Variants in ARHGEF3 observed in about 807,000 individuals in gnomAD.
ARHGEF3 encodes the protein 59.8 kDA protein.
ARHGEF3 carries 28 observed loss-of-function variants against 63.2 expected under a neutral mutation model. The observed-to-expected ratio is 0.44, with a 90% CI of 0.33 to 0.61. The LOEUF is 0.61. Among genes scored for constraint, ARHGEF3 ranks in the 20% least tolerant of loss-of-function variants. ARHGEF3 has a pLI of 0.03. For missense variants in ARHGEF3, 533 were observed against 659.3 expected, an observed-to-expected ratio of 0.81 and a Z score of 2.10; for synonymous variants, 266 against 254.2, an observed-to-expected ratio of 1.05 and a Z score of -0.44.
intron 2 of ARHGEF3, among the ~76,000 whole-genome samples, chr3:56,967,200 T>A (rs1309914309): frequency 7.0e-6 from 1 of 142,116 alleles, no homozygotes; most frequent in Non-Finnish European, 1.5e-5. Context: ...AATTGAAATA[T>A]CATGTGAACC....
At chr3:56,946,733 T>C (rs1399439661) in intron 3 of ARHGEF3, among the ~76,000 whole-genome samples, 2 of 152,144 alleles carry the variant, frequency 1.3e-5, no homozygotes, top group Non-Finnish European at 1.5e-5. Context: ...ACTTCCCCAA[T>C]CTAGCAAGGC....
chr3:56,902,164 T>A (rs1332378451), intron 3 of ARHGEF3, among the ~76,000 whole-genome samples: 1 of 152,246 alleles, frequency 6.6e-6, no homozygotes, highest in Non-Finnish European at 1.5e-5. Flanking sequence ...GTTCATCTTC[T>A]GCTGGCAACG....
chr3:57,013,339 T>C (rs1702791704), intron 2 of ARHGEF3, among the ~76,000 whole-genome samples: 1 of 152,212 alleles, frequency 6.6e-6, no homozygotes, highest in Admixed American at 6.5e-5. Flanking sequence ...CTGAGTCCAG[T>C]AGGGGCTTGG....
In ARHGEF3 at chr3:56,843,226, A is replaced by G. The variant is rs573372717; in HGVS notation, c.192+39066T>C. Among the ~76,000 whole-genome samples, 3 of 152,236 alleles carry G rather than the reference A, an allele frequency of 2.0e-5. No homozygotes were observed. In the East Asian group the frequency reaches 5.8e-4, roughly 29 times the overall value. On this transcript the variant is annotated intron_variant, in intron 4 of 12. Coordinates refer to the ARHGEF3 transcript ENST00000338458. ...CTGTGGTGGCTTAGCTTAGCACACA[A>G]ATGATATCATACTTAAATTTCTGTA...
intron 4 of ARHGEF3, among the ~76,000 whole-genome samples, chr3:56,820,667 G>A (rs547169074): frequency 3.9e-5 from 6 of 152,136 alleles, no homozygotes; most frequent in Admixed American, 6.5e-5. Context: ...AGGAATGAGT[G>A]GACCATGTTG....
chr3:56,787,201 GTTC>G (rs1333877532), intron 1 of ARHGEF3, among the ~76,000 whole-genome samples: 1 of 152,152 alleles, frequency 6.6e-6, no homozygotes, highest in Admixed American at 6.5e-5. Context: ...GAAGTGGAAG[GTTC>G]TTCTTTTACA....
intron 3 of ARHGEF3, among the ~76,000 whole-genome samples, chr3:56,905,958 G>C (rs1393286597): frequency 2.0e-5 from 3 of 152,134 alleles, no homozygotes; most frequent in Admixed American, 2.0e-4. Context: ...TCAGCCTCCA[G>C]GGTTCAAGCA....
intron 1 of ARHGEF3, among the ~76,000 whole-genome samples, chr3:57,078,061 A>G (rs551519702): frequency 1.3e-5 from 2 of 152,342 alleles, no homozygotes; most frequent in African/African-American, 4.8e-5. Flanking sequence ...CAGCTAACAC[A>G]GAGGATTTAC....
intron 3 of ARHGEF3, among the ~76,000 whole-genome samples, chr3:56,939,402 A>T (rs1346880438): frequency 6.6e-6 from 1 of 152,200 alleles, no homozygotes; most frequent in Non-Finnish European, 1.5e-5. Context: ...TTGTGTGTGT[A>T]ATAAAGGCTA....
At chr3:57,014,274 C>T (rs1702863434) in intron 2 of ARHGEF3, among the ~76,000 whole-genome samples, 1 of 152,208 alleles carries the variant, frequency 6.6e-6, no homozygotes, top group African/African-American at 2.4e-5. Flanking sequence ...GTAACACTCA[C>T]TGTGAGGGTC....
At chr3:56,917,274 CAT>C (rs1338019479) in intron 3 of ARHGEF3, among the ~76,000 whole-genome samples, 1 of 152,172 alleles carries the variant, frequency 6.6e-6, no homozygotes, top group Non-Finnish European at 1.5e-5. Flanking sequence ...CTCAAGGAGA[CAT>C]AACTCCAGTG....
rs1213383383 is a variant in ARHGEF3, at chr3:57,042,316, A to T, written c.-27-7140T>A. The stretch of plus-strand genomic sequence containing the variant: ...ACAAAGCAGATCTAGATGCACTAGC[A>T]TGGGAAACACAGCTCAACTCAACAT... On this transcript the variant is annotated intron_variant, in intron 1 of 12. Coordinates refer to the ARHGEF3 transcript ENST00000338458. Among the ~76,000 whole-genome samples the T allele has an allele frequency of 3.3e-5, 5 of 152,158 alleles. 1 individual carries two copies. In the East Asian group the frequency reaches 5.8e-4, roughly 18 times the overall value.
At chr3:56,974,902 T>C (rs191921412) in intron 2 of ARHGEF3, among the ~76,000 whole-genome samples, 312 of 152,338 alleles carry the variant, frequency 2.0e-3, no homozygotes, top group African/African-American at 7.2e-3. Flanking sequence ...TGTATTTTTC[T>C]AACCAGGACT....
intron 3 of ARHGEF3, among the ~76,000 whole-genome samples, chr3:56,937,172 G>A (rs1292635734): frequency 6.6e-6 from 1 of 152,202 alleles, no homozygotes; most frequent in Non-Finnish European, 1.5e-5. Context: ...TAGATGCAGT[G>A]CATGATCCTT....
intron 7 of ARHGEF3, among the ~76,000 whole-genome samples, chr3:56,740,870 C>T (rs537838542): frequency 2.0e-5 from 3 of 152,280 alleles, no homozygotes; most frequent in South Asian, 4.1e-4. Context: ...AAAGAAGATG[C>T]GCTATAGTCA....
intron 4 of ARHGEF3, among the ~76,000 whole-genome samples, chr3:56,865,885 C>G (rs1482560037): frequency 6.6e-6 from 1 of 152,026 alleles, no homozygotes; most frequent in East Asian, 1.9e-4. Flanking sequence ...CCCACCCAGG[C>G]TATGGTATTT....
At chr3:56,792,103 CAA>C (rs1553755406) in intron 1 of ARHGEF3, among the ~76,000 whole-genome samples, 5 of 91,324 alleles carry the variant, frequency 5.5e-5, no homozygotes, top group Non-Finnish European at 2.2e-5. Flanking sequence ...GACTCTGTCT[CAA>C]AAAAAAAAAA....
chr3:57,037,066 AT>A (rs946536375), intron 1 of ARHGEF3, among the ~76,000 whole-genome samples: 1 of 152,188 alleles, frequency 6.6e-6, no homozygotes, highest in African/African-American at 2.4e-5. Flanking sequence ...ACCATGAAAT[AT>A]TTTTAGCATC....
At chr3:56,977,814 G>C (rs1370267956) in intron 2 of ARHGEF3, among the ~76,000 whole-genome samples, 1 of 152,084 alleles carries the variant, frequency 6.6e-6, no homozygotes, top group Non-Finnish European at 1.5e-5. Context: ...AATAATATTA[G>C]GTTTTACACC....
Sources: allele counts gnomAD v4.1 joint callset (sites outside exome capture counted in the v4.1 genomes callset), GRCh38; gene constraint gnomAD v4.1.1; transcripts MANE v1.5; gene names NCBI Gene and HGNC (gene_info 2026-07-23, HGNC 2026-07-21).